SOX6: variants seen among roughly 807,000 people sequenced by gnomAD.
The protein encoded by SOX6 is SRY-box transcription factor 6.
SOX6 carries 11 observed loss-of-function variants against 97.8 expected under a neutral mutation model. The observed-to-expected ratio is 0.11, with a 90% CI of 0.07 to 0.19. The LOEUF (loss-of-function observed/expected upper bound fraction) is 0.19, where lower values mean the gene tolerates loss of function less well. Ranked by LOEUF, SOX6 falls within the 10% of genes least tolerant of loss-of-function variation. The probability of loss-of-function intolerance (pLI) is 1.00; values close to 1 mark genes in which losing one functional copy is unlikely to be tolerated. For missense variants in SOX6, 810 were observed against 1,039.5 expected (o/e 0.78, Z 3.04); for synonymous variants, 360 against 371.4 (o/e 0.97, Z 0.35).
chr11:16,361,084 T>C (rs920296102), upstream of SOX6, among the ~76,000 whole-genome samples: 2 of 152,080 alleles, frequency 1.3e-5, no homozygotes, highest in South Asian at 4.1e-4. Flanking sequence ...ATGGAGACTT[T>C]ATATATATTC....
intron 3 of SOX6, among the ~76,000 whole-genome samples, chr11:16,661,017 CTG>C (rs1847762188): frequency 6.6e-6 from 1 of 152,216 alleles, no homozygotes; most frequent in East Asian, 1.9e-4. Flanking sequence ...TTTCTAACTG[CTG>C]AACCTGTCTT....
intron 3 of SOX6, among the ~76,000 whole-genome samples, chr11:16,663,145 T>G (rs993019713): frequency 2.6e-5 from 4 of 151,884 alleles, no homozygotes; most frequent in African/African-American, 9.7e-5. Context: ...ACATTCATAA[T>G]AGTCAAATAT....
At chr11:16,034,751 A>T (rs964821339) in intron 12 of SOX6, among the ~76,000 whole-genome samples, 19 of 152,132 alleles carry the variant, frequency 1.2e-4, no homozygotes, top group Admixed American at 1.1e-3. Context: ...TCACATATAC[A>T]CCCAGGTCAA....
chr11:15,992,407 G>A (rs1363823948), intron 13 of SOX6, among the ~76,000 whole-genome samples: 1 of 152,080 alleles, frequency 6.6e-6, no homozygotes, highest in Non-Finnish European at 1.5e-5. Context: ...ATCAAAACTT[G>A]GAAAATGTTT....
intron 12 of SOX6, among the ~76,000 whole-genome samples, chr11:16,019,785 G>T (rs1241726041): frequency 6.6e-6 from 1 of 152,048 alleles, no homozygotes; most frequent in Admixed American, 6.6e-5. Context: ...TGCAGGGAAG[G>T]TTAATACTAC....
intron 9 of SOX6, among the ~76,000 whole-genome samples, chr11:16,065,141 T>G (rs1253867292): frequency 6.6e-6 from 1 of 152,006 alleles, no homozygotes; most frequent in Non-Finnish European, 1.5e-5. Flanking sequence ...AAAAACCCTA[T>G]TAGAACTGAT....
intron 5 of SOX6, among the ~76,000 whole-genome samples, chr11:16,186,227 A>G: frequency 6.6e-6 from 1 of 152,142 alleles, no homozygotes; most frequent in East Asian, 1.9e-4. Flanking sequence ...TGACCATGTG[A>G]TGTATCATCC....
intron 3 of SOX6, among the ~76,000 whole-genome samples, chr11:16,633,968 C>G (rs1180661593): frequency 6.6e-6 from 1 of 152,108 alleles, no homozygotes; most frequent in Non-Finnish European, 1.5e-5. Flanking sequence ...GATCAAGATT[C>G]AATCTACAAT....
In SOX6 at chr11:15,971,798, A is replaced by C. The variant is rs1853322074; in HGVS notation, c.*1011T>G. On this transcript the variant is annotated 3_prime_UTR_variant, in exon 16 of 16. Coordinates refer to ENST00000683767, the MANE Select transcript of SOX6 (RefSeq NM_001367873.1). Reference sequence around the variant, plus strand: ...AGGAAGGTGAAAAACAAGAATTATTAAATTAATGCCACCAACAATTGAAAA... The same window carrying C: ...AGGAAGGTGAAAAACAAGAATTATTCAATTAATGCCACCAACAATTGAAAA... The C allele has an allele frequency of 6.6e-6, 1 of 152,648 alleles. No homozygotes were observed. The highest frequency in any genetic ancestry group is 2.4e-5 in the African/African-American group (1 of 41,450). 9.5% of individuals were successfully genotyped at this position (152,648 alleles called of 1,614,324 possible).
intron 13 of SOX6, among the ~76,000 whole-genome samples, chr11:15,996,951 A>G (rs1854243951): frequency 6.6e-6 from 1 of 152,210 alleles, no homozygotes; most frequent in South Asian, 2.1e-4. Flanking sequence ...AAGGTTAGAA[A>G]TTTGAAAAGT....
At chr11:16,402,035 T>G (rs1858572417) in intron 1 of SOX6, among the ~76,000 whole-genome samples, 1 of 151,548 alleles carries the variant, frequency 6.6e-6, no homozygotes, top group African/African-American at 2.4e-5. Flanking sequence ...AATATTGATA[T>G]GGAAGGAAAA....
At chr11:16,515,105 C>T (rs1214025122) in intron 4 of SOX6, among the ~76,000 whole-genome samples, 1 of 149,618 alleles carries the variant, frequency 6.7e-6, no homozygotes, top group African/African-American at 2.4e-5. Context: ...AGTTCTAGAT[C>T]CCTGAGGAAT....
chr11:16,528,111 T>G lies in SOX6; in HGVS notation n.610-51723A>C, dbSNP rs144776597. ...TCAGTTTGCAGGTACATCCCACGTA[T>G]GAAACATGCCCTTCTTGTAACATAA... is the stretch of plus-strand genomic sequence containing the variant. On this transcript the variant is annotated intron_variant and non_coding_transcript_variant, in intron 4 of 5. Transcript: ENST00000524520. Among the ~76,000 whole-genome samples, 144 of 152,212 alleles carry G rather than the reference T, an allele frequency of 9.5e-4. 2 individuals carry two copies. The highest frequency in any genetic ancestry group is 1.2e-3 in the Non-Finnish European group (83 of 68,008).
chr11:16,552,035 AG>A (rs1847693550), intron 4 of SOX6, among the ~76,000 whole-genome samples: 3 of 152,216 alleles, frequency 2.0e-5, no homozygotes, highest in African/African-American at 7.2e-5. Flanking sequence ...CACATCTATA[AG>A]ATACATCTTC....
intron 14 of SOX6, among the ~76,000 whole-genome samples, chr11:15,986,993 T>C (rs1336494997): frequency 6.6e-6 from 1 of 152,208 alleles, no homozygotes; most frequent in Non-Finnish European, 1.5e-5. Flanking sequence ...GAAGATACCA[T>C]TGGAATTATA....
At chr11:16,471,887 T>A (rs1466835674) in intron 1 of SOX6, among the ~76,000 whole-genome samples, 1 of 152,192 alleles carries the variant, frequency 6.6e-6, no homozygotes, top group African/African-American at 2.4e-5. Flanking sequence ...CAGAAAATAA[T>A]TGCTTTAAGC....
intron 2 of SOX6, among the ~76,000 whole-genome samples, chr11:16,339,606 T>C (rs1405599002): frequency 1.3e-5 from 2 of 152,010 alleles, no homozygotes; most frequent in African/African-American, 4.8e-5. Flanking sequence ...CATCACATTT[T>C]AATTATATAT....
intron 3 of SOX6, among the ~76,000 whole-genome samples, chr11:16,254,985 C>T (rs12269743): frequency 2.7e-3 from 409 of 151,948 alleles, no homozygotes; most frequent in South Asian, 5.4e-3. Flanking sequence ...AGTAATAAGA[C>T]AAAGCAGACT....
At chr11:15,976,390 T>C (rs1853487448) in intron 15 of SOX6, among the ~76,000 whole-genome samples, 1 of 152,188 alleles carries the variant, frequency 6.6e-6, no homozygotes, top group Non-Finnish European at 1.5e-5. Context: ...ACATTCACAT[T>C]TGACAGGACT....
Sources: gnomAD v4.1 joint callset for allele counts (sites outside exome capture counted in the v4.1 genomes callset) on GRCh38, gnomAD v4.1.1 for gene constraint, MANE v1.5 for transcripts, NCBI Gene and HGNC (gene_info 2026-07-23, HGNC 2026-07-21) for gene names.